HDDC2: variants seen among roughly 807,000 people sequenced by gnomAD.
HDDC2 encodes the protein 5'-deoxynucleotidase HDDC2.
HDDC2 carries 25 observed loss-of-function variants against 25.5 expected under a neutral mutation model. The observed-to-expected ratio is 0.98, with a 90% confidence interval of 0.72 to 1.37. The LOEUF is 1.37. HDDC2 is among the 40% of genes most tolerant of loss of function. The pLI, the probability that HDDC2 is intolerant of heterozygous loss-of-function variation, is 0.00. For synonymous variants in HDDC2, 106 were observed against 89.7 expected, an observed-to-expected ratio of 1.18 and a Z score of -1.03; for missense variants, 264 against 253.1, an observed-to-expected ratio of 1.04 and a Z score of -0.29.
rs3799718 is a variant in HDDC2 at position 125,278,224 on chromosome 6, G to C, written c.379-984C>G. Reference sequence around the variant, plus strand: ...TGATAAAGCTGAGAACTGTATGGGGGAATCATTTAAATATGGAACCAAATA... The same window carrying C: ...TGATAAAGCTGAGAACTGTATGGGGCAATCATTTAAATATGGAACCAAATA... On this transcript the variant is annotated intron_variant, in intron 4 of 5. Coordinates refer to ENST00000398153, the MANE Select transcript of HDDC2 (RefSeq NM_016063.3). 6.1e-4 allele frequency: 93 copies of C among 152,260 alleles called. No homozygotes were observed. The East Asian group carries it at 0.015, about 24-fold the overall frequency. 9.4% of individuals were successfully genotyped at this position (152,260 alleles called of 1,614,324 possible). A position where few individuals can be genotyped will look rare whatever the true frequency, so the allele number is the denominator to read the frequency against.
At chr6:125,277,795 A>G (rs1178066084) in intron 4 of HDDC2, 1 of 152,318 alleles carries the variant, frequency 6.6e-6, no homozygotes, top group East Asian at 1.9e-4. Flanking sequence ...TTGAGGATAG[A>G]GCCAAGATCT....
chr6:125,293,047 A>G, intron 3 of HDDC2, 138 bp from the exon 4 acceptor site: 1 of 731,856 alleles, frequency 1.4e-6, no homozygotes, highest in East Asian at 2.6e-5. Flanking sequence ...ATACTGGACA[A>G]TATTTATAGC....
intron 4 of HDDC2, among the ~76,000 whole-genome samples, chr6:125,286,612 T>C (rs1346933727): frequency 2.0e-5 from 3 of 152,208 alleles, no homozygotes; most frequent in Non-Finnish European, 4.4e-5. Flanking sequence ...AACATCAGTA[T>C]GAACTCACAA....
rs200454435 is a variant in HDDC2 at position 125,300,590 on chromosome 6, G to C, written c.154C>G (p.Arg52Gly). 1 of 1,613,924 alleles carries C rather than the reference G, an allele frequency of 6.2e-7. No homozygotes were observed. The highest frequency in any genetic ancestry group is 1.1e-5 in the South Asian group (1 of 91,080). The change falls in exon 2 of 6, where the codon CGG (arginine) becomes GGG (glycine). Residue 52 changes from arginine to glycine, a missense_variant. By Grantham distance (125) the Arg-to-Gly change is moderately radical (BLOSUM62 -2). Coordinates refer to ENST00000398153, the MANE Select transcript of HDDC2 (RefSeq NM_016063.3). ...RPESVSDHMY[R>G]MAVMAMVIKD... is the part of the protein sequence containing the mutation. ...ATCACCATAGCCATAACTGCCATCC[G>C]GTACATGTGATCTGAAACGCTCTCC... is the stretch of plus-strand genomic sequence containing the variant.
At chr6:125,298,865 CA>C in intron 2 of HDDC2, 49 bp from the exon 3 acceptor site, 3 of 1,287,456 alleles carry the variant, frequency 2.3e-6, no homozygotes, top group Non-Finnish European at 3.4e-6. Context: ...ATATTTACTA[CA>C]AGTTCCTTCT....
At chr6:125,288,365 G>A (rs920442853) in intron 4 of HDDC2, among the ~76,000 whole-genome samples, 4 of 152,132 alleles carry the variant, frequency 2.6e-5, no homozygotes, top group South Asian at 2.1e-4. Context: ...TGGCCAGGGC[G>A]GCTGTGACCC....
At chr6:125,281,933 T>C (rs1798464918) in intron 4 of HDDC2, among the ~76,000 whole-genome samples, 1 of 152,074 alleles carries the variant, frequency 6.6e-6, no homozygotes, top group African/African-American at 2.4e-5. Flanking sequence ...GGAAAAAATG[T>C]TAAGGGCAAC....
intron 3 of HDDC2, among the ~76,000 whole-genome samples, chr6:125,298,081 T>C (rs7756384): frequency 0.45 from 68,086 of 151,922 alleles, 20,105 homozygotes; most frequent in African/African-American, 0.84. Flanking sequence ...CCAGCTATTT[T>C]CATTATTCTA....
chr6:125,285,928 C>A (rs1798527513), intron 4 of HDDC2, among the ~76,000 whole-genome samples: 1 of 152,166 alleles, frequency 6.6e-6, no homozygotes, highest in Admixed American at 6.5e-5. Flanking sequence ...ATCTGTCCCT[C>A]AAAGTACAGT....
rs1562454054 is a variant in HDDC2, at chr6:125,301,943, A to AC, written c.-12dup. Reference sequence around the variant, plus strand: ...GGAGACCGAAGCCATGCGGCCACCGACCCCGGCTGGGCGGAGCAGGCCGCG... The same window carrying AC: ...GGAGACCGAAGCCATGCGGCCACCGACCCCCGGCTGGGCGGAGCAGGCCGCG... On this transcript the variant is annotated 5_prime_UTR_variant, in exon 1 of 6. Transcript: ENST00000398153. 1.6e-5 allele frequency: 24 copies of AC among 1,545,548 alleles called. No homozygotes were observed. The highest frequency in any genetic ancestry group is 1.8e-5 in the Non-Finnish European group (21 of 1,147,182).
chr6:125,279,156 T>A (rs1216515260), intron 4 of HDDC2: 1 of 152,234 alleles, frequency 6.6e-6, no homozygotes, highest in Non-Finnish European at 1.5e-5. Flanking sequence ...CCAACAGGTA[T>A]TCTCTAGAAA....
At chr6:125,289,494 A>T (rs1226944001) in intron 4 of HDDC2, among the ~76,000 whole-genome samples, 2 of 138,206 alleles carry the variant, frequency 1.4e-5, no homozygotes, top group Admixed American at 7.3e-5. Context: ...AAAAAAAAAA[A>T]TTAAAAAAAA....
chr6:125,296,332 T>A (rs1323438078), intron 3 of HDDC2, among the ~76,000 whole-genome samples: 1 of 152,170 alleles, frequency 6.6e-6, no homozygotes, highest in East Asian at 1.9e-4. Flanking sequence ...ACCCCATAGA[T>A]ACTGAGGGAC....
intron 4 of HDDC2, among the ~76,000 whole-genome samples, chr6:125,288,252 A>C (rs1267378838): frequency 6.6e-6 from 1 of 152,106 alleles, no homozygotes; most frequent in African/African-American, 2.4e-5. Flanking sequence ...AGGGCTGAAC[A>C]GCTGATGTGG....
At chr6:125,294,357 A>T (rs1465144711) in intron 3 of HDDC2, among the ~76,000 whole-genome samples, 1 of 152,118 alleles carries the variant, frequency 6.6e-6, no homozygotes, top group African/African-American at 2.4e-5. Flanking sequence ...TCAACAATCC[A>T]CTCTTATAAA....
chr6:125,285,536 C>G (rs921141482), intron 4 of HDDC2, among the ~76,000 whole-genome samples: 1 of 151,542 alleles, frequency 6.6e-6, no homozygotes, highest in African/African-American at 2.4e-5. Context: ...GATAAGGTGA[C>G]AAATAGTGAA....
rs146602375 is a variant in HDDC2, at chr6:125,301,775, G to A, written c.84+74C>T. On this transcript the variant is annotated intron_variant, in intron 1 of 5. Transcript: ENST00000398153. ...GAAGGGCAAAGACCGCCGGCCGAGC[G>A]GGGAGGCCGGAAGCTCCGCCGCCCC... 7,320 of 1,115,622 alleles carry A rather than the reference G, an allele frequency of 6.6e-3. 44 individuals carry two copies. The highest frequency in any genetic ancestry group is 7.9e-3 in the Non-Finnish European group (6,181 of 787,228). The allele number at this position is 1,115,622 out of a possible 1,614,324, so 69.1% of individuals were successfully genotyped here.
chr6:125,281,521 G>C (rs1798456855), intron 4 of HDDC2, among the ~76,000 whole-genome samples: 1 of 152,150 alleles, frequency 6.6e-6, no homozygotes, highest in Admixed American at 6.5e-5. Flanking sequence ...AAAATGACCT[G>C]ATGGAGTTGA....
chr6:125,285,355 T>C (rs1205062617), intron 4 of HDDC2, among the ~76,000 whole-genome samples: 1 of 151,244 alleles, frequency 6.6e-6, no homozygotes, highest in East Asian at 1.9e-4. Flanking sequence ...AAGAACAATA[T>C]AAGAACAGTG....
Sources: allele counts gnomAD v4.1 joint callset (sites outside exome capture counted in the v4.1 genomes callset), GRCh38; gene constraint gnomAD v4.1.1; transcripts MANE v1.5; gene names NCBI Gene and HGNC (gene_info 2026-07-23, HGNC 2026-07-21).